Variants in ACTR3C observed in about 807,000 individuals in gnomAD.
The protein encoded by ACTR3C is actin-related protein 3C.
In ACTR3C, 18 loss-of-function variants were observed where a neutral mutation model predicts 26.3. The ratio of observed to expected loss-of-function variants is 0.68; its 90% CI spans 0.47 to 1.01. ACTR3C has a LOEUF of 1.01. ACTR3C is among the 50% of genes least tolerant of loss of function. The pLI, the probability that ACTR3C is intolerant of heterozygous loss-of-function variation, is 0.00. For missense variants in ACTR3C, 184 were observed against 250.7 expected, an observed-to-expected ratio of 0.73 and a Z score of 1.80; for synonymous variants, 55 against 94.5, an observed-to-expected ratio of 0.58 and a Z score of 2.42.
the ACTR3C span, among the ~76,000 whole-genome samples, chr7:150,220,876 C>T: frequency 4.2e-4 from 64 of 151,722 alleles, no homozygotes; most frequent in African/African-American, 1.4e-3. Flanking sequence ...TCAGTGCGGA[C>T]TCCGGCACCC....
At chr7:150,010,026 C>T in the ACTR3C span, among the ~76,000 whole-genome samples, 6 of 152,240 alleles carry the variant, frequency 3.9e-5, no homozygotes, top group African/African-American at 1.4e-4. Flanking sequence ...AAAATCTGTG[C>T]CATACTCTGC....
At chr7:150,295,218 G>A in intron 2 of ACTR3C, 34 bp downstream of exon 2, 1 of 1,611,102 alleles carries the variant, frequency 6.2e-7, no homozygotes, top group Non-Finnish European at 8.5e-7. Flanking sequence ...GACAGCTCAG[G>A]TGCTTTAGGA....
the ACTR3C span, among the ~76,000 whole-genome samples, chr7:150,017,788 A>G: frequency 0.19 from 28,182 of 149,732 alleles, 3,692 homozygotes; most frequent in African/African-American, 0.26. Flanking sequence ...CACTCACTCT[A>G]GAATCCTTCC....
At chr7:150,281,410 C>A (rs570791898) in intron 6 of ACTR3C, among the ~76,000 whole-genome samples, 106 of 150,692 alleles carry the variant, frequency 7.0e-4, no homozygotes, top group African/African-American at 2.3e-3. Flanking sequence ...CAGAAGGGAG[C>A]GTAGCAGGGA....
chr7:150,181,299 GT>G, the ACTR3C span, among the ~76,000 whole-genome samples: 1 of 150,408 alleles, frequency 6.6e-6, no homozygotes, highest in Non-Finnish European at 1.5e-5. Flanking sequence ...CTATACATTT[GT>G]TATTTATTTC....
chr7:150,299,466 A>G (rs1403661254), intron 1 of ACTR3C, among the ~76,000 whole-genome samples: 1 of 116,302 alleles, frequency 8.6e-6, no homozygotes, highest in Non-Finnish European at 1.7e-5. Context: ...CCCCCTCTCA[A>G]AAAAAAAAAA....
At chr7:149,981,002 A>G in the ACTR3C span, among the ~76,000 whole-genome samples, 1 of 150,552 alleles carries the variant, frequency 6.6e-6, no homozygotes, top group Admixed American at 6.6e-5. Context: ...CAAGCAAGAA[A>G]GTAAACTGGT....
At chr7:149,904,374 A>G in the ACTR3C span, among the ~76,000 whole-genome samples, 2 of 151,514 alleles carry the variant, frequency 1.3e-5, no homozygotes, top group Non-Finnish European at 2.9e-5. Context: ...TACTAAAAAT[A>G]CAAAAATTAG....
chr7:149,991,356 T>A, the ACTR3C span, among the ~76,000 whole-genome samples: 2 of 152,170 alleles, frequency 1.3e-5, no homozygotes, highest in Non-Finnish European at 2.9e-5. Context: ...TACTGACCTT[T>A]TTTAAAACTG....
chr7:150,015,257 G>C, the ACTR3C span, among the ~76,000 whole-genome samples: 1 of 152,124 alleles, frequency 6.6e-6, no homozygotes, highest in Non-Finnish European at 1.5e-5. Flanking sequence ...TGCAGAGTAA[G>C]GTTCTAAGAG....
chr7:150,291,750 C>T (rs536452000), intron 3 of ACTR3C, among the ~76,000 whole-genome samples: 99 of 151,856 alleles, frequency 6.5e-4, no homozygotes, highest in Middle Eastern at 6.8e-3. Context: ...ATCTCAGCAG[C>T]GCAGTTCTCT....
chr7:150,219,436 A>G, the ACTR3C span, among the ~76,000 whole-genome samples: 6 of 146,006 alleles, frequency 4.1e-5, no homozygotes, highest in Non-Finnish European at 8.8e-5. Context: ...TCATTGTTAC[A>G]TGCATTGCTG....
At chr7:150,195,109 ATATATATATATATG>A in the ACTR3C span, among the ~76,000 whole-genome samples, 6 of 139,820 alleles carry the variant, frequency 4.3e-5, no homozygotes, top group South Asian at 2.3e-4. Flanking sequence ...ACATATATGT[ATATATATATATATG>A]TATATATATA....
chr7:149,921,175 A>C, the ACTR3C span, among the ~76,000 whole-genome samples: 1 of 152,162 alleles, frequency 6.6e-6, no homozygotes, highest in Admixed American at 6.5e-5. Context: ...TATTCCAGGA[A>C]AACTTTGTCT....
At chr7:150,302,104 C>T (rs571087101) in intron 1 of ACTR3C, among the ~76,000 whole-genome samples, 2 of 151,926 alleles carry the variant, frequency 1.3e-5, no homozygotes, top group Non-Finnish European at 2.9e-5. Flanking sequence ...AACAACGATA[C>T]GTAAAAGAGC....
intron 6 of ACTR3C, among the ~76,000 whole-genome samples, chr7:150,255,159 G>A (rs6975646): frequency 0.042 from 6,368 of 150,866 alleles, 442 homozygotes; most frequent in African/African-American, 0.15. Context: ...TGTAGATTGC[G>A]TGTTCAATGG....
At chr7:150,180,494 C>T in the ACTR3C span, among the ~76,000 whole-genome samples, 62 of 147,946 alleles carry the variant, frequency 4.2e-4, 1 homozygote, top group African/African-American at 1.5e-3. Flanking sequence ...AGCTGATGGG[C>T]CAAAATAGTA....
the ACTR3C span, among the ~76,000 whole-genome samples, chr7:149,916,668 T>TC: frequency 7.5e-5 from 1 of 13,400 alleles, no homozygotes; most frequent in Non-Finnish European, 5.7e-3. Flanking sequence ...TAAAAGCCCT[T>TC]GGTTTTTTTA....
chr7:150,154,296 C>A, the ACTR3C span, among the ~76,000 whole-genome samples: 1 of 152,266 alleles, frequency 6.6e-6, no homozygotes, highest in East Asian at 1.9e-4. Context: ...AATGACCCAT[C>A]TTCATTACCA....
Sources: gnomAD v4.1 joint callset for allele counts (sites outside exome capture counted in the v4.1 genomes callset) on GRCh38, gnomAD v4.1.1 for gene constraint, MANE v1.5 for transcripts, NCBI Gene and HGNC (gene_info 2026-07-23, HGNC 2026-07-21) for gene names.